The following PDE4B variants were observed in gnomAD, a reference collection of about 807,000 sequenced individuals.
PDE4B encodes phosphodiesterase 4B.
A neutral mutation model predicts 82.2 loss-of-function variants in PDE4B; 20 were observed. The ratio of observed to expected loss-of-function variants is 0.24; its 90% CI spans 0.17 to 0.35. PDE4B has a LOEUF of 0.35. PDE4B is among the 10% of genes least tolerant of loss of function. The probability of loss-of-function intolerance (pLI) is 1.00; values close to 1 mark genes in which losing one functional copy is unlikely to be tolerated. For missense variants in PDE4B, 655 were observed against 907.2 expected (o/e 0.72, Z 3.57); for synonymous variants, 320 against 318.9 (o/e 1.00, Z -0.04).
intron 8 of PDE4B, among the ~76,000 whole-genome samples, chr1:66,352,537 T>C (rs1207889148): frequency 6.6e-6 from 1 of 152,210 alleles, no homozygotes; most frequent in African/African-American, 2.4e-5. Flanking sequence ...TAGCCTTTTA[T>C]GATTCAGTTT....
intron 3 of PDE4B, among the ~76,000 whole-genome samples, chr1:65,968,730 T>C (rs1168363840): frequency 6.6e-6 from 1 of 152,202 alleles, no homozygotes; most frequent in South Asian, 2.1e-4. Context: ...CACATTACAA[T>C]GTAAATCCAT....
At chr1:66,090,646 C>CGTGTGTGTGTGTGT (rs1644998490) in intron 3 of PDE4B, among the ~76,000 whole-genome samples, 2 of 76,968 alleles carry the variant, frequency 2.6e-5, no homozygotes, top group African/African-American at 1.2e-4. Context: ...TGTGTATGTA[C>CGTGTGTGTGTGTGT]GTATATATAT....
chr1:66,368,734 C>A, intron 15 of PDE4B, 53 bp from the exon 16 acceptor site: 2 of 1,365,890 alleles, frequency 1.5e-6, no homozygotes, highest in Non-Finnish European at 9.8e-7. Context: ...ATGAGATGTT[C>A]CGGCAGTATT....
At chr1:66,233,003 T>C (rs1272468411) in intron 3 of PDE4B, among the ~76,000 whole-genome samples, 1 of 152,162 alleles carries the variant, frequency 6.6e-6, no homozygotes, top group East Asian at 1.9e-4. Flanking sequence ...ACAAATGACA[T>C]GCCAAAAATG....
chr1:66,139,697 A>G (rs867156729), intron 3 of PDE4B, among the ~76,000 whole-genome samples: 1 of 149,254 alleles, frequency 6.7e-6, no homozygotes, highest in African/African-American at 2.5e-5. Context: ...AGGGAGCATT[A>G]CTCAGAATAG....
At chr1:66,217,712 T>G (rs1321520443) in intron 3 of PDE4B, among the ~76,000 whole-genome samples, 2 of 152,172 alleles carry the variant, frequency 1.3e-5, no homozygotes, top group African/African-American at 4.8e-5. Flanking sequence ...GAAAATTTAT[T>G]TATCCATCAA....
chr1:66,297,301 G>A (rs963129332), intron 7 of PDE4B, among the ~76,000 whole-genome samples: 5 of 151,868 alleles, frequency 3.3e-5, no homozygotes, highest in African/African-American at 1.2e-4. Flanking sequence ...TTGTATTTCA[G>A]GTTTTCACTT....
chr1:66,331,694 C>G, intron 7 of PDE4B: 2 of 966,166 alleles, frequency 2.1e-6, no homozygotes, highest in Non-Finnish European at 2.5e-6. Context: ...ACCTGAAAGT[C>G]CGGTTCAGAA....
At chr1:65,800,516 A>C (rs1305834490) in intron 1 of PDE4B, among the ~76,000 whole-genome samples, 1 of 152,174 alleles carries the variant, frequency 6.6e-6, no homozygotes, top group African/African-American at 2.4e-5. Flanking sequence ...GCTGCTATGC[A>C]ATTTATTGGG....
intron 3 of PDE4B, among the ~76,000 whole-genome samples, chr1:65,979,375 C>T (rs1650570583): frequency 6.6e-6 from 1 of 152,194 alleles, no homozygotes; most frequent in Non-Finnish European, 1.5e-5. Flanking sequence ...AGAGCGAATC[C>T]TGCTGGGTGG....
At chr1:66,051,572 A>C (rs574271227) in intron 3 of PDE4B, among the ~76,000 whole-genome samples, 1 of 152,132 alleles carries the variant, frequency 6.6e-6, no homozygotes, top group Admixed American at 6.6e-5. Context: ...GACTGTGAAC[A>C]GAGGTAGAAA....
intron 3 of PDE4B, among the ~76,000 whole-genome samples, chr1:65,974,927 C>T (rs1650331201): frequency 6.6e-6 from 1 of 152,042 alleles, no homozygotes; most frequent in Non-Finnish European, 1.5e-5. Context: ...TAAGAACAGA[C>T]TAATACAGAA....
chr1:65,951,393 A>G (rs888390846), intron 3 of PDE4B, among the ~76,000 whole-genome samples: 1 of 152,114 alleles, frequency 6.6e-6, no homozygotes, highest in African/African-American at 2.4e-5. Flanking sequence ...AGTGGCCAAG[A>G]ATAAGATTTG....
intron 3 of PDE4B, among the ~76,000 whole-genome samples, chr1:66,183,772 A>T (rs1429953472): frequency 6.6e-6 from 1 of 152,180 alleles, no homozygotes; most frequent in African/African-American, 2.4e-5. Context: ...TTAAGGTAAA[A>T]GATACATAAG....
At chr1:66,332,179 C>A in intron 7 of PDE4B, 2 of 1,394,816 alleles carry the variant, frequency 1.4e-6, no homozygotes, top group Non-Finnish European at 1.9e-6. Context: ...GTGCTTCTGC[C>A]TTTAGTTTTA....
intron 1 of PDE4B, among the ~76,000 whole-genome samples, chr1:65,804,203 A>T (rs1472062984): frequency 1.3e-5 from 2 of 152,210 alleles, no homozygotes; most frequent in Admixed American, 6.5e-5. Flanking sequence ...GAGTGTTTAC[A>T]TGAAATTGTC....
chr1:66,371,374 A>G (rs2050776835), intron 16 of PDE4B, among the ~76,000 whole-genome samples: 1 of 151,344 alleles, frequency 6.6e-6, no homozygotes, highest in African/African-American at 2.4e-5. Context: ...TCATTCAACT[A>G]GTGCCTGTTC....
chr1:66,303,341 ATG>A (rs1203280434), intron 7 of PDE4B, among the ~76,000 whole-genome samples: 12 of 119,896 alleles, frequency 1.0e-4, no homozygotes, highest in East Asian at 2.2e-4. Flanking sequence ...TTATATATAT[ATG>A]TGTGTGTGTG....
intron 3 of PDE4B, among the ~76,000 whole-genome samples, chr1:65,942,977 G>A (rs879558602): frequency 7.9e-5 from 12 of 151,912 alleles, no homozygotes; most frequent in Non-Finnish European, 1.5e-4. Flanking sequence ...TTACTCTGTT[G>A]ATTGTTTGCT....
Sources: gnomAD v4.1 joint callset for allele counts (sites outside exome capture counted in the v4.1 genomes callset) on GRCh38, gnomAD v4.1.1 for gene constraint, MANE v1.5 for transcripts, NCBI Gene and HGNC (gene_info 2026-07-23, HGNC 2026-07-21) for gene names.